The following SYT14 variants were observed in gnomAD, a reference collection of about 807,000 sequenced individuals.
The protein encoded by SYT14 is synaptotagmin 14, also known as synaptotagmin-14.
Under a neutral mutation model 74.2 loss-of-function variants are expected in SYT14, and 32 were observed. That is an observed-to-expected ratio of 0.43 (90% CI 0.33 to 0.58). SYT14 has a LOEUF of 0.58. SYT14 is among the 20% of genes least tolerant of loss of function. SYT14 has a pLI of 0.05. For synonymous variants in SYT14, 298 were observed against 337.7 expected (o/e 0.88, Z 1.29); for missense variants, 791 against 981.8 (o/e 0.81, Z 2.60).
At chr1:209,969,736 C>T (rs1365898454) in intron 2 of SYT14, among the ~76,000 whole-genome samples, 2 of 152,034 alleles carry the variant, frequency 1.3e-5, no homozygotes, top group Non-Finnish European at 2.9e-5. Context: ...GTCTTGGCCT[C>T]CCAAAGTACT....
At chr1:209,980,240 G>C (rs2079457631) in intron 2 of SYT14, among the ~76,000 whole-genome samples, 1 of 151,932 alleles carries the variant, frequency 6.6e-6, no homozygotes, top group Non-Finnish European at 1.5e-5. Context: ...TATGTATGTT[G>C]GCTGCATGTG....
At chr1:210,115,693 C>A (rs1357496216) in intron 7 of SYT14, among the ~76,000 whole-genome samples, 2 of 151,264 alleles carry the variant, frequency 1.3e-5, no homozygotes, top group East Asian at 3.9e-4. Flanking sequence ...AAAAAGAGGC[C>A]ACTTACCCGA....
intron 5 of SYT14, among the ~76,000 whole-genome samples, chr1:210,047,493 G>A (rs1003981674): frequency 1.2e-4 from 18 of 152,076 alleles, no homozygotes; most frequent in African/African-American, 4.1e-4. Flanking sequence ...CGCCTCCCAG[G>A]TTCAAATGAT....
chr1:210,146,799 AATATATACTACAT>A (rs1235106987), intron 7 of SYT14, among the ~76,000 whole-genome samples: 2 of 150,916 alleles, frequency 1.3e-5, no homozygotes, highest in Non-Finnish European at 1.5e-5. Context: ...ATATGTATGT[AATATATACTACAT>A]ATATATACTA....
At chr1:210,145,909 A>G (rs189452165) in intron 7 of SYT14, among the ~76,000 whole-genome samples, 3 of 152,346 alleles carry the variant, frequency 2.0e-5, no homozygotes, top group Non-Finnish European at 4.4e-5. Flanking sequence ...GCAGTTTATC[A>G]TAGTCTGCCT....
intron 2 of SYT14, among the ~76,000 whole-genome samples, chr1:209,975,010 G>T (rs2079331729): frequency 6.6e-6 from 1 of 152,128 alleles, no homozygotes; most frequent in Admixed American, 6.6e-5. Flanking sequence ...TCGGCTCTCT[G>T]TTTGTCTGTT....
intron 2 of SYT14, among the ~76,000 whole-genome samples, chr1:209,966,953 C>T (rs1189513837): frequency 6.6e-6 from 1 of 152,066 alleles, no homozygotes; most frequent in East Asian, 1.9e-4. Context: ...CAGTCTTTTG[C>T]CAGTAAGTAT....
chr1:209,973,798 A>G (rs1441106334), intron 2 of SYT14, among the ~76,000 whole-genome samples: 1 of 152,186 alleles, frequency 6.6e-6, no homozygotes, highest in Non-Finnish European at 1.5e-5. Flanking sequence ...TGACTTCTAG[A>G]ATGGTTGAAC....
At chr1:210,057,233 C>G (rs1029830222) in intron 5 of SYT14, among the ~76,000 whole-genome samples, 7 of 152,184 alleles carry the variant, frequency 4.6e-5, no homozygotes, top group African/African-American at 1.7e-4. Flanking sequence ...TTTCCTTGTT[C>G]TCCCATTGTT....
intron 5 of SYT14, 114 bp downstream of exon 4, chr1:210,021,368 A>G: frequency 1.0e-6 from 1 of 985,652 alleles, no homozygotes; most frequent in Middle Eastern, 3.0e-4. Flanking sequence ...CATACAGTAC[A>G]GTCACATTTC....
exon 10 of SYT14, chr1:210,162,720 A>G (rs1390039457): frequency 2.2e-6 from 1 of 449,972 alleles, no homozygotes; most frequent in Non-Finnish European, 4.4e-6. Flanking sequence ...GCTTGGCTGT[A>G]CTGAAAGGCC....
At chr1:210,073,497 G>A (rs2081432743) in intron 5 of SYT14, among the ~76,000 whole-genome samples, 1 of 151,948 alleles carries the variant, frequency 6.6e-6, no homozygotes, top group African/African-American at 2.4e-5. Context: ...AACACAAAAT[G>A]GGAGTGAAAC....
intron 5 of SYT14, among the ~76,000 whole-genome samples, chr1:210,078,423 A>G (rs943174275): frequency 5.3e-5 from 8 of 151,946 alleles, no homozygotes; most frequent in African/African-American, 7.2e-5. Flanking sequence ...AAATCAGTTT[A>G]GTAGGTCTTG....
intron 2 of SYT14, among the ~76,000 whole-genome samples, chr1:209,997,970 AAGTTAAAGG>A (rs1163069356): frequency 6.6e-6 from 1 of 152,156 alleles, no homozygotes; most frequent in Non-Finnish European, 1.5e-5. Flanking sequence ...TTTATTTAAA[AAGTTAAAGG>A]CTTTTTTGAG....
chr1:210,036,543 T>G (rs911662691), intron 5 of SYT14, among the ~76,000 whole-genome samples: 1 of 152,018 alleles, frequency 6.6e-6, no homozygotes, highest in African/African-American at 2.4e-5. Flanking sequence ...CTTTTACCTA[T>G]TCAGTACGAT....
rs568850063 is a variant in SYT14, at chr1:210,065,133, T to G, written c.1313-29189T>G. On this transcript the variant is annotated intron_variant, in intron 5 of 9. Coordinates refer to ENST00000637265, the Ensembl canonical transcript of SYT14. ...TTGAATTGGGTTGTTTTGAGTTGTT[T>G]CATATTTTCTTCCATTCTGTGGACT... Among the ~76,000 whole-genome samples the G allele has an allele frequency of 1.4e-4, 22 of 152,236 alleles. No homozygotes were observed. The South Asian group carries it at 4.3e-3, about 30-fold the overall frequency.
intron 2 of SYT14, among the ~76,000 whole-genome samples, chr1:209,974,571 A>G (rs1191468650): frequency 6.6e-6 from 1 of 152,044 alleles, no homozygotes; most frequent in Non-Finnish European, 1.5e-5. Context: ...ATTGGTCTAT[A>G]TCTCTGTTGT....
exon 10 of SYT14, chr1:210,164,988 G>T (rs2102739058): frequency 6.6e-6 from 1 of 152,194 alleles, no homozygotes; most frequent in East Asian, 1.9e-4. Flanking sequence ...CAAAGTGATG[G>T]TTAACAGCTA....
chr1:210,083,641 C>T (rs915696331), intron 5 of SYT14, among the ~76,000 whole-genome samples: 1 of 151,700 alleles, frequency 6.6e-6, no homozygotes, highest in Non-Finnish European at 1.5e-5. Context: ...GTGATCATGG[C>T]TCACTGCTAC....
Sources: allele counts gnomAD v4.1 joint callset (sites outside exome capture counted in the v4.1 genomes callset), GRCh38; gene constraint gnomAD v4.1.1; transcripts MANE v1.5; gene names NCBI Gene and HGNC (gene_info 2026-07-23, HGNC 2026-07-21).